The following MPC2 variants were observed in gnomAD, a reference collection of about 807,000 sequenced individuals.
MPC2 encodes mitochondrial pyruvate carrier 2, also known as brain protein 44.
MPC2 carries 19 observed loss-of-function variants against 19.2 expected under a neutral mutation model. The ratio of observed to expected loss-of-function variants is 0.99; its 90% CI spans 0.69 to 1.45. The LOEUF (loss-of-function observed/expected upper bound fraction) is 1.45, where lower values mean the gene tolerates loss of function less well. Among genes scored for constraint, MPC2 ranks in the 40% most tolerant of loss-of-function variants. The probability of loss-of-function intolerance (pLI) is 0.00; values close to 1 mark genes in which losing one functional copy is unlikely to be tolerated. For missense variants in MPC2, 122 were observed against 153.0 expected (o/e 0.80, Z 1.07); for synonymous variants, 61 against 54.3 (o/e 1.12, Z -0.54).
At chr1:167,933,403 G>A (rs771178327) in intron 2 of MPC2, among the ~76,000 whole-genome samples, 7 of 152,142 alleles carry the variant, frequency 4.6e-5, no homozygotes, top group Non-Finnish European at 7.4e-5. Flanking sequence ...CTGACCTCAG[G>A]TGATCCACCC....
chr1:167,926,370 G>C (rs965877564), intron 2 of MPC2, among the ~76,000 whole-genome samples: 2 of 152,128 alleles, frequency 1.3e-5, no homozygotes, highest in Non-Finnish European at 2.9e-5. Context: ...CACACACATA[G>C]AACTCTAGCC....
intron 2 of MPC2, among the ~76,000 whole-genome samples, chr1:167,927,803 C>T (rs1670798039): frequency 6.6e-6 from 1 of 152,148 alleles, no homozygotes; most frequent in Non-Finnish European, 1.5e-5. Flanking sequence ...ACTGAAAAAA[C>T]TTCAAACATC....
At chr1:167,930,513 A>C (rs1255834357) in intron 2 of MPC2, among the ~76,000 whole-genome samples, 1 of 152,228 alleles carries the variant, frequency 6.6e-6, no homozygotes, top group East Asian at 1.9e-4. Context: ...ACTTTCCCCA[A>C]TGAAATCTGA....
At position 167,918,136 on chromosome 1, in the gene MPC2, T is replaced by C. The variant is rs1322208479; in HGVS notation, c.*187A>G. 2.0e-6 allele frequency: 1 copy of C among 487,994 alleles called. No homozygotes were observed. Among genetic ancestry groups the C allele is most frequent in the Non-Finnish European group, 3.6e-6 (1 of 275,958 alleles). 30.2% of individuals were successfully genotyped at this position (487,994 alleles called of 1,614,324 possible). Reference sequence around the variant, plus strand: ...AATGTTACTAATATCCATAGATAAGTTCCTTAAGTCATGTAGAGAGACTGT... The same window carrying C: ...AATGTTACTAATATCCATAGATAAGCTCCTTAAGTCATGTAGAGAGACTGT... On this transcript the variant is annotated 3_prime_UTR_variant, in exon 6 of 6. Transcript: ENST00000271373.
chr1:167,928,296 CGA>C (rs1030488945), intron 2 of MPC2, among the ~76,000 whole-genome samples: 1 of 147,486 alleles, frequency 6.8e-6, no homozygotes, highest in Non-Finnish European at 1.5e-5. Context: ...TGCAGTGAGC[CGA>C]GATCGCACCA....
At chr1:167,933,494 ACATACAGTGT>A (rs1670972478) in intron 2 of MPC2, among the ~76,000 whole-genome samples, 1 of 152,204 alleles carries the variant, frequency 6.6e-6, no homozygotes, top group East Asian at 1.9e-4. Context: ...ACCTGTCGAG[ACATACAGTGT>A]CAGTGATAAA....
intron 1 of MPC2, 195 bp from the exon 2 acceptor site, chr1:167,936,093 G>A (rs772674652): frequency 3.7e-5 from 21 of 560,920 alleles, no homozygotes; most frequent in Admixed American, 2.5e-4. Flanking sequence ...GCAGGAGAGA[G>A]GGAGGAGCCA....
chr1:167,919,905 C>T (rs548627012), intron 5 of MPC2, 74 bp downstream of exon 5: 3 of 1,026,548 alleles, frequency 2.9e-6, no homozygotes, highest in East Asian at 5.0e-5. Flanking sequence ...GAGACCCCGT[C>T]TCAAAAAAAA....
chr1:167,936,674 C>CT, intron 1 of MPC2: 2 of 475,890 alleles, frequency 4.2e-6, no homozygotes, highest in South Asian at 5.2e-5. Context: ...GAGACTGTTG[C>CT]TGATCTTTGG....
At chr1:167,920,766 A>T (rs1670581069) in intron 3 of MPC2, 135 bp from the exon 4 acceptor site, 2 of 876,718 alleles carry the variant, frequency 2.3e-6, no homozygotes, top group African/African-American at 3.4e-5. Context: ...TCATTAAGAA[A>T]ATGTAGATTA....
chr1:167,936,864 C>CCCA, intron 1 of MPC2, 75 bp downstream of exon 1: 1 of 1,467,016 alleles, frequency 6.8e-7, no homozygotes, highest in Non-Finnish European at 9.3e-7. Flanking sequence ...CCCCCTCCTC[C>CCCA]CCTCCCCCAC....
At chr1:167,933,560 GT>G (rs1431771436) in intron 2 of MPC2, among the ~76,000 whole-genome samples, 1 of 152,190 alleles carries the variant, frequency 6.6e-6, no homozygotes, top group Non-Finnish European at 1.5e-5. Context: ...ATTTCCAACT[GT>G]TAATATTGTA....
intron 1 of MPC2, chr1:167,936,663 G>A (rs940315922): frequency 2.3e-6 from 1 of 442,584 alleles, no homozygotes; most frequent in Non-Finnish European, 4.0e-6. Context: ...GGCTGAGGGA[G>A]GAGACTGTTG....
chr1:167,933,280 G>A (rs991557175), intron 2 of MPC2, among the ~76,000 whole-genome samples: 8 of 148,708 alleles, frequency 5.4e-5, no homozygotes, highest in African/African-American at 1.2e-4. Flanking sequence ...TGATTCTCCC[G>A]CCTCAGCCTC....
At chr1:167,935,661 G>C (rs1229300620) in intron 2 of MPC2, 72 bp downstream of exon 2, 1 of 1,268,660 alleles carries the variant, frequency 7.9e-7, no homozygotes, top group East Asian at 2.5e-5. Flanking sequence ...GTTGTCAGAG[G>C]GCCTCTAAAA....
chr1:167,936,146 G>T (rs1671181875), intron 1 of MPC2: 2 of 351,070 alleles, frequency 5.7e-6, no homozygotes, highest in South Asian at 3.1e-5. Flanking sequence ...AGTCTGCGCT[G>T]CGCCCTGCTG....
intron 2 of MPC2, among the ~76,000 whole-genome samples, chr1:167,934,625 C>CTGG (rs1671012358): frequency 1.3e-5 from 2 of 152,208 alleles, no homozygotes; most frequent in South Asian, 4.2e-4. Context: ...ATTTAGTAAC[C>CTGG]AGTTCAGACT....
chr1:167,931,785 T>C (rs1670919226), intron 2 of MPC2, among the ~76,000 whole-genome samples: 1 of 152,178 alleles, frequency 6.6e-6, no homozygotes, highest in Non-Finnish European at 1.5e-5. Flanking sequence ...TCTCTTAGCA[T>C]TGAATATAAA....
At chr1:167,923,296 A>G (rs1366105550) in intron 3 of MPC2, among the ~76,000 whole-genome samples, 1 of 152,218 alleles carries the variant, frequency 6.6e-6, no homozygotes, top group Non-Finnish European at 1.5e-5. Flanking sequence ...AAGCAAACCA[A>G]TTGTCCAATC....
Sources: allele counts gnomAD v4.1 joint callset (sites outside exome capture counted in the v4.1 genomes callset), GRCh38; gene constraint gnomAD v4.1.1; transcripts MANE v1.5; gene names NCBI Gene and HGNC (gene_info 2026-07-23, HGNC 2026-07-21).